Variants in HSF5 observed in about 807,000 individuals in gnomAD.
The protein encoded by HSF5 is heat shock factor protein 5.
In HSF5, 5 loss-of-function variants were observed where a neutral mutation model predicts 50.8. The ratio of observed to expected loss-of-function variants is 0.10; its 90% CI spans 0.05 to 0.21. HSF5 has a LOEUF of 0.21. HSF5 is among the 10% of genes least tolerant of loss of function. HSF5 has a pLI of 1.00. For missense variants in HSF5, 564 were observed against 762.6 expected (o/e 0.74, Z 3.07); for synonymous variants, 307 against 307.4 (o/e 1.00, Z 0.02).
At chr17:58,470,881 G>A (rs978098788) in intron 2 of HSF5, among the ~76,000 whole-genome samples, 1 of 152,078 alleles carries the variant, frequency 6.6e-6, no homozygotes, top group Admixed American at 6.5e-5. Flanking sequence ...AGCCAAGATC[G>A]CACTACTGCA....
At chr17:58,436,832 A>C (rs1567906887) in intron 5 of HSF5, among the ~76,000 whole-genome samples, 2 of 152,002 alleles carry the variant, frequency 1.3e-5, no homozygotes, top group African/African-American at 4.8e-5. Context: ...GAAAAAAAAA[A>C]CCAACCATAA....
At chr17:58,430,603 T>G (rs1441238033) in intron 5 of HSF5, among the ~76,000 whole-genome samples, 1 of 152,290 alleles carries the variant, frequency 6.6e-6, no homozygotes, top group Non-Finnish European at 1.5e-5. Flanking sequence ...GCCTTTGTAC[T>G]CTGGGACTTA....
chr17:58,451,184 A>AC, intron 5 of HSF5, among the ~76,000 whole-genome samples: 1 of 152,338 alleles, frequency 6.6e-6, no homozygotes, highest in Non-Finnish European at 1.5e-5. Context: ...GCACCTAAAT[A>AC]TATAATGCAA....
intron 3 of HSF5, among the ~76,000 whole-genome samples, chr17:58,466,033 T>A (rs1218761691): frequency 6.6e-6 from 1 of 152,172 alleles, no homozygotes; most frequent in African/African-American, 2.4e-5. Flanking sequence ...AAATATTGCA[T>A]GAAATTACCT....
intron 5 of HSF5, among the ~76,000 whole-genome samples, chr17:58,451,557 G>A (rs1475263921): frequency 2.0e-5 from 3 of 152,078 alleles, no homozygotes; most frequent in Admixed American, 1.3e-4. Flanking sequence ...GTTCAAATAC[G>A]TGGAAATTAA....
intron 3 of HSF5, 100 bp from the exon 4 acceptor site, chr17:58,463,403 G>T: frequency 1.1e-6 from 1 of 917,282 alleles, no homozygotes; most frequent in Non-Finnish European, 1.6e-6. Context: ...AACATAAATA[G>T]ATTAAACTTA....
intron 4 of HSF5, among the ~76,000 whole-genome samples, chr17:58,461,727 CTGGACA>C (rs1400150784): frequency 6.6e-6 from 1 of 152,042 alleles, no homozygotes; most frequent in African/African-American, 2.4e-5. Context: ...CAAAAATTAG[CTGGACA>C]TGGTGGCTCG....
At chr17:58,467,873 A>C (rs1974889862) in intron 2 of HSF5, among the ~76,000 whole-genome samples, 1 of 152,086 alleles carries the variant, frequency 6.6e-6, no homozygotes, top group Non-Finnish European at 1.5e-5. Flanking sequence ...TTTTGTAGAG[A>C]CTCTCCAGTA....
At chr17:58,462,396 T>C (rs1974805911) in intron 4 of HSF5, among the ~76,000 whole-genome samples, 1 of 152,200 alleles carries the variant, frequency 6.6e-6, no homozygotes, top group Admixed American at 6.5e-5. Flanking sequence ...AAAGTCATCA[T>C]AATATCTGTC....
intron 5 of HSF5, among the ~76,000 whole-genome samples, chr17:58,454,862 G>T (rs1302477491): frequency 6.6e-6 from 1 of 152,188 alleles, no homozygotes; most frequent in African/African-American, 2.4e-5. Flanking sequence ...TATCGCATGT[G>T]CATGGATTGG....
At chr17:58,477,976 C>A (rs1975040189) in intron 2 of HSF5, among the ~76,000 whole-genome samples, 1 of 152,022 alleles carries the variant, frequency 6.6e-6, no homozygotes, top group African/African-American at 2.4e-5. Context: ...TGCCCCCTTT[C>A]TTCTCTTTCT....
intron 1 of HSF5, among the ~76,000 whole-genome samples, chr17:58,484,997 C>T (rs1975149609): frequency 1.5e-5 from 2 of 131,108 alleles, no homozygotes; most frequent in Admixed American, 1.8e-4. Flanking sequence ...CTCTGTCGCC[C>T]AGGCTGGAGT....
In HSF5 at chr17:58,448,429, T is replaced by C. The variant is rs578156545; in HGVS notation, c.1720+10339A>G. ...TCCCAAATGAGACTACCTCAAAGCA[T>C]GCAATAATCAAACTCTTAAAGATCA... is the stretch of plus-strand genomic sequence containing the variant. On this transcript the variant is annotated intron_variant, in intron 5 of 5. Transcript: ENST00000323777. Among the ~76,000 whole-genome samples, 4 of 152,122 alleles carry C rather than the reference T, an allele frequency of 2.6e-5. No homozygotes were observed. The East Asian group carries it at 7.7e-4, about 29-fold the overall frequency.
intron 5 of HSF5, among the ~76,000 whole-genome samples, chr17:58,433,373 C>T (rs764409584): frequency 3.5e-4 from 54 of 152,134 alleles, no homozygotes; most frequent in Admixed American, 1.0e-3. Context: ...ACCTACTGGA[C>T]ATCCAAAGAC....
intron 2 of HSF5, among the ~76,000 whole-genome samples, chr17:58,469,098 GAA>G (rs60851317): frequency 9.9e-5 from 12 of 121,054 alleles, no homozygotes; most frequent in Admixed American, 2.5e-4. Flanking sequence ...CTCGGGAAGG[GAA>G]AAAAAAAAAA....
chr17:58,429,883 T>C (rs1415012313), intron 5 of HSF5, among the ~76,000 whole-genome samples: 1 of 151,766 alleles, frequency 6.6e-6, no homozygotes, highest in Non-Finnish European at 1.5e-5. Context: ...TATGTTAATT[T>C]TACCTTAAAA....
At position 58,449,605 on chromosome 17, in the gene HSF5, C is replaced by T. The variant is rs555003688; in HGVS notation, c.1720+9163G>A. The stretch of plus-strand genomic sequence containing the variant: ...ATCCCAGCTACTCAGGAGGCTGAGG[C>T]ACGAGAATCGCTGGAACCTGGGAGG... On this transcript the variant is annotated intron_variant, in intron 5 of 5. Transcript: ENST00000323777. 3.3e-5 allele frequency among the ~76,000 whole-genome samples: 5 copies of T among 151,472 alleles called. No homozygotes were observed. The East Asian group carries it at 7.8e-4, about 24-fold the overall frequency.
chr17:58,478,286 T>A (rs757650372), intron 2 of HSF5, among the ~76,000 whole-genome samples: 92 of 145,078 alleles, frequency 6.3e-4, no homozygotes, highest in East Asian at 3.0e-3. Context: ...AATAAATATA[T>A]ATATATATAT....
chr17:58,479,558 C>A (rs1975070809), intron 2 of HSF5, among the ~76,000 whole-genome samples: 2 of 152,144 alleles, frequency 1.3e-5, no homozygotes, highest in Admixed American at 1.3e-4. Flanking sequence ...CCGCCTCAGC[C>A]TCCCAAAGTG....
Sources: allele counts gnomAD v4.1 joint callset (sites outside exome capture counted in the v4.1 genomes callset), GRCh38; gene constraint gnomAD v4.1.1; transcripts MANE v1.5; gene names NCBI Gene and HGNC (gene_info 2026-07-23, HGNC 2026-07-21).